The following POFUT4 variants were observed in gnomAD, a reference collection of about 807,000 sequenced individuals.
The protein encoded by POFUT4 is protein O-fucosyltransferase 4.
the POFUT4 span, chr10:73,772,926 T>C: frequency 5.9e-5 from 95 of 1,609,820 alleles, no homozygotes; most frequent in Non-Finnish European, 8.0e-5. Flanking sequence ...CCTCCGCCCA[T>C]GGAACGCGCG....
the POFUT4 span, among the ~76,000 whole-genome samples, chr10:73,777,269 C>CA: frequency 7.2e-6 from 1 of 139,800 alleles, no homozygotes; most frequent in Non-Finnish European, 1.5e-5. Flanking sequence ...TAAAATAGGC[C>CA]AATATGAGTC....
chr10:73,775,706 A>G, the POFUT4 span: 1 of 1,613,630 alleles, frequency 6.2e-7, no homozygotes, highest in Non-Finnish European at 8.5e-7. Flanking sequence ...AAGAGCCTTT[A>G]ACTTGGCGGA....
At chr10:73,775,235 T>A in the POFUT4 span, 1 of 610,104 alleles carries the variant, frequency 1.6e-6, no homozygotes, top group East Asian at 2.7e-5. Context: ...TTATGGAGAC[T>A]GCCACTTCCA....
At chr10:73,775,327 T>C in the POFUT4 span, 3 of 1,141,494 alleles carry the variant, frequency 2.6e-6, no homozygotes, top group Non-Finnish European at 3.8e-6. Context: ...CGTAATTGAT[T>C]GGGTAGTCTG....
chr10:73,772,964 C>G, the POFUT4 span: 3 of 1,604,404 alleles, frequency 1.9e-6, no homozygotes, highest in South Asian at 3.3e-5. Flanking sequence ...CTACGCGCCG[C>G]TGCTCTATCT....
the POFUT4 span, chr10:73,775,739 A>G: frequency 5.7e-6 from 9 of 1,586,054 alleles, no homozygotes; most frequent in East Asian, 1.1e-4. Context: ...TTATTCTACC[A>G]TGGGACATAA....
chr10:73,775,344 G>A, the POFUT4 span: 1 of 1,298,094 alleles, frequency 7.7e-7, no homozygotes, highest in Admixed American at 1.9e-5. Flanking sequence ...TCTGTGTGAT[G>A]TCTTTGTGTT....
At chr10:73,773,054 G>A in the POFUT4 span, 2 of 1,557,394 alleles carry the variant, frequency 1.3e-6, no homozygotes. Context: ...GAGTGAGGGC[G>A]GGCCGGAGGG....
the POFUT4 span, chr10:73,772,334 A>T: frequency 6.9e-7 from 1 of 1,451,410 alleles, no homozygotes; most frequent in Non-Finnish European, 9.1e-7. Flanking sequence ...CGGAGTGGAC[A>T]TGGCGGCCGG....
chr10:73,773,308 TC>T, the POFUT4 span: 21 of 1,614,012 alleles, frequency 1.3e-5, no homozygotes, highest in Non-Finnish European at 1.7e-5. Flanking sequence ...CGCTATAAGT[TC>T]CACTTGGCCC....
chr10:73,774,590 C>T, the POFUT4 span: 2 of 152,154 alleles, frequency 1.3e-5, no homozygotes, highest in African/African-American at 4.8e-5. Flanking sequence ...GTCCTGGCTA[C>T]TTGGGAGGCT....
chr10:73,772,553 G>T, the POFUT4 span: 7 of 1,575,390 alleles, frequency 4.4e-6, no homozygotes, highest in Non-Finnish European at 5.2e-6. Flanking sequence ...GGAGGCGGGG[G>T]ACTTGCCGGT....
chr10:73,779,063 A>T, the POFUT4 span: 1 of 144,366 alleles, frequency 6.9e-6, no homozygotes, highest in Non-Finnish European at 1.5e-5. Flanking sequence ...TCGCCACTGC[A>T]CTCCAGAAAC....
the POFUT4 span, chr10:73,780,115 A>G: frequency 6.6e-6 from 1 of 152,242 alleles, no homozygotes; most frequent in African/African-American, 2.4e-5. Context: ...TATTGGTGAT[A>G]GAAATGTCTG....
the POFUT4 span, chr10:73,772,561 G>T: frequency 1.3e-6 from 2 of 1,580,072 alleles, no homozygotes; most frequent in Non-Finnish European, 1.7e-6. Context: ...GGGACTTGCC[G>T]GTACTGCTGT....
the POFUT4 span, among the ~76,000 whole-genome samples, chr10:73,776,418 G>T: frequency 1.3e-5 from 2 of 150,736 alleles, no homozygotes; most frequent in Non-Finnish European, 2.9e-5. Context: ...CTGGCCAGGC[G>T]TAGTGGCTTA....
the POFUT4 span, among the ~76,000 whole-genome samples, chr10:73,777,003 T>C: frequency 6.6e-6 from 1 of 152,194 alleles, no homozygotes; most frequent in African/African-American, 2.4e-5. Flanking sequence ...TTAATGGCCT[T>C]GTCTTTCCTG....
the POFUT4 span, chr10:73,772,639 G>T: frequency 6.4e-7 from 1 of 1,555,808 alleles, no homozygotes. Flanking sequence ...CGCGCGGCGC[G>T]TGCGTGGCGT....
chr10:73,777,863 CTT>C, the POFUT4 span, among the ~76,000 whole-genome samples: 14 of 136,678 alleles, frequency 1.0e-4, no homozygotes, highest in Admixed American at 1.5e-4. Context: ...GTGCCCCCAC[CTT>C]TTTTTTTTTT....
Sources: allele counts gnomAD v4.1 joint callset (sites outside exome capture counted in the v4.1 genomes callset), GRCh38; gene constraint gnomAD v4.1.1; transcripts MANE v1.5; gene names NCBI Gene and HGNC (gene_info 2026-07-23, HGNC 2026-07-21).